MAF: variants seen among roughly 807,000 people sequenced by gnomAD.
MAF encodes MAF bZIP transcription factor.
Under a neutral mutation model 22.0 loss-of-function variants are expected in MAF, and 10 were observed. The observed-to-expected ratio is 0.45, with a 90% confidence interval of 0.28 to 0.77. The LOEUF (loss-of-function observed/expected upper bound fraction) is 0.77. MAF is among the 30% of genes least tolerant of loss of function. MAF has a pLI of 0.12. For synonymous variants in MAF, 337 were observed against 255.8 expected, an observed-to-expected ratio of 1.32 and a Z score of -3.03; for missense variants, 544 against 548.4, an observed-to-expected ratio of 0.99 and a Z score of 0.08.
At chr16:79,206,134 A>C in the MAF span, 1 of 152,176 alleles carries the variant, frequency 6.6e-6, no homozygotes, top group Non-Finnish European at 1.5e-5. Flanking sequence ...AATGGAAAAA[A>C]AAATCTCCTT....
At chr16:79,427,860 T>G in the MAF span, among the ~76,000 whole-genome samples, 2 of 152,154 alleles carry the variant, frequency 1.3e-5, no homozygotes, top group Non-Finnish European at 2.9e-5. Context: ...TACAGCTCTG[T>G]GCCTCCAGGA....
chr16:79,534,614 C>T, the MAF span, among the ~76,000 whole-genome samples: 1 of 151,944 alleles, frequency 6.6e-6, no homozygotes, highest in African/African-American at 2.4e-5. Context: ...GGAGGGATAG[C>T]GTTAGGAGAA....
chr16:79,319,564 G>A, the MAF span, among the ~76,000 whole-genome samples: 1 of 152,202 alleles, frequency 6.6e-6, no homozygotes, highest in African/African-American at 2.4e-5. Flanking sequence ...GACGTAGGTG[G>A]AAAGGGGCTG....
the MAF span, among the ~76,000 whole-genome samples, chr16:79,430,563 G>GGCAC: frequency 6.6e-6 from 1 of 152,164 alleles, no homozygotes; most frequent in African/African-American, 2.4e-5. Context: ...CCCTCTGCCC[G>GGCAC]GCACACGGCA....
the MAF span, among the ~76,000 whole-genome samples, chr16:79,523,032 T>C: frequency 6.6e-6 from 1 of 152,220 alleles, no homozygotes; most frequent in African/African-American, 2.4e-5. Flanking sequence ...TACTTCATGA[T>C]AATAGCATAA....
intron 1 of MAF, chr16:79,598,578 T>G (rs1366871868): frequency 1.5e-6 from 2 of 1,293,812 alleles, no homozygotes; most frequent in Non-Finnish European, 1.9e-6. Context: ...GAGCAGGGTG[T>G]GGGGTGTGTG....
At chr16:79,597,202 T>C (rs948485928) in intron 1 of MAF, 3 of 1,053,650 alleles carry the variant, frequency 2.8e-6, no homozygotes, top group Non-Finnish European at 3.4e-6. Context: ...GTTTAAAAAA[T>C]CTACAGCTAA....
chr16:79,333,158 G>A, the MAF span, among the ~76,000 whole-genome samples: 1 of 152,146 alleles, frequency 6.6e-6, no homozygotes, highest in African/African-American at 2.4e-5. Context: ...AGCGGGTGAT[G>A]GCGGTCCTGG....
At chr16:79,492,131 CGGGCATGAGAGTTGA>C in the MAF span, among the ~76,000 whole-genome samples, 1 of 152,174 alleles carries the variant, frequency 6.6e-6, no homozygotes, top group South Asian at 2.1e-4. Context: ...AGAGCAGGCA[CGGGCATGAGAGTTGA>C]GGACCGGGTG....
chr16:79,290,323 C>T, the MAF span, among the ~76,000 whole-genome samples: 1 of 152,188 alleles, frequency 6.6e-6, no homozygotes, highest in Non-Finnish European at 1.5e-5. Flanking sequence ...ATATTAATTT[C>T]CCATAAATCA....
the MAF span, among the ~76,000 whole-genome samples, chr16:79,285,810 G>C: frequency 6.6e-6 from 1 of 152,176 alleles, no homozygotes; most frequent in Non-Finnish European, 1.5e-5. Flanking sequence ...GCACACTGAG[G>C]TCTGCACTGC....
At chr16:79,413,781 C>T in the MAF span, among the ~76,000 whole-genome samples, 38 of 152,222 alleles carry the variant, frequency 2.5e-4, no homozygotes, top group South Asian at 1.5e-3. Flanking sequence ...GCAATCTTTC[C>T]GAAGAGGCAA....
the MAF span, among the ~76,000 whole-genome samples, chr16:79,459,930 G>A: frequency 3.3e-5 from 5 of 152,070 alleles, no homozygotes; most frequent in South Asian, 2.1e-4. Flanking sequence ...GCACTTGGAT[G>A]GATTACATTC....
chr16:79,297,990 G>T, the MAF span, among the ~76,000 whole-genome samples: 1 of 152,222 alleles, frequency 6.6e-6, no homozygotes, highest in Admixed American at 6.5e-5. Flanking sequence ...TGCTGCTGAG[G>T]TCATGACCAG....
chr16:79,374,391 T>G, the MAF span, among the ~76,000 whole-genome samples: 3 of 152,206 alleles, frequency 2.0e-5, no homozygotes, highest in Non-Finnish European at 4.4e-5. Context: ...CTCTGCTATT[T>G]GCTTTCTCTT....
the MAF span, among the ~76,000 whole-genome samples, chr16:79,335,199 A>AG: frequency 6.6e-6 from 1 of 150,614 alleles, no homozygotes; most frequent in Non-Finnish European, 1.5e-5. Flanking sequence ...AAAAAAAAAA[A>AG]GAAAGAAAAA....
chr16:79,426,505 T>A, the MAF span, among the ~76,000 whole-genome samples: 1 of 152,220 alleles, frequency 6.6e-6, no homozygotes, highest in Non-Finnish European at 1.5e-5. Flanking sequence ...AGTTTCTTAC[T>A]AAACATTTTC....
the MAF span, among the ~76,000 whole-genome samples, chr16:79,467,617 G>A: frequency 6.6e-6 from 1 of 152,132 alleles, no homozygotes; most frequent in African/African-American, 2.4e-5. Flanking sequence ...CCTGAGAGCA[G>A]CAGCATCAAC....
the MAF span, among the ~76,000 whole-genome samples, chr16:79,310,333 T>C: frequency 1.3e-5 from 2 of 152,188 alleles, no homozygotes; most frequent in South Asian, 2.1e-4. Flanking sequence ...CTCCATAGGA[T>C]GCCTTTGGCT....
Sources: allele counts gnomAD v4.1 joint callset (sites outside exome capture counted in the v4.1 genomes callset), GRCh38; gene constraint gnomAD v4.1.1; transcripts MANE v1.5; gene names NCBI Gene and HGNC (gene_info 2026-07-23, HGNC 2026-07-21).